The following SEC16A variants were observed in gnomAD, a reference collection of about 807,000 sequenced individuals.
SEC16A encodes the protein SEC16 homolog A, endoplasmic reticulum export factor.
SEC16A carries 110 observed loss-of-function variants against 221.9 expected under a neutral mutation model. The ratio of observed to expected loss-of-function variants is 0.50; its 90% confidence interval spans 0.42 to 0.58. The LOEUF is 0.58. SEC16A is among the 20% of genes least tolerant of loss of function. The pLI, the probability that SEC16A is intolerant of heterozygous loss-of-function variation, is 0.00. For synonymous variants in SEC16A, 1,393 were observed against 1,257.7 expected, an observed-to-expected ratio of 1.11 and a Z score of -2.28; for missense variants, 3,165 against 3,097.8, an observed-to-expected ratio of 1.02 and a Z score of -0.52.
intron 4 of SEC16A, among the ~76,000 whole-genome samples, chr9:136,470,215 C>T (rs893728468): frequency 6.6e-6 from 1 of 152,216 alleles, no homozygotes; most frequent in Non-Finnish European, 1.5e-5. Context: ...TGAAGGCAGC[C>T]GCAGGATCCG....
At position 136,459,684 on chromosome 9, in the gene SEC16A, CCAA is replaced by C. The variant is rs760458365; in HGVS notation, c.5191+70_5191+72del. ...GAAGGCCGGGTTCTGGTGATTTCTGCCAACGCCACAGACAACCGGGCCTTCGGC... is the reference window on the plus strand; with the variant it reads ...GAAGGCCGGGTTCTGGTGATTTCTGCCGCCACAGACAACCGGGCCTTCGGC... On this transcript the variant is annotated intron_variant, in intron 15 of 31. Transcript: ENST00000684901. This position sits in a 1 kb window ranked among gnomAD's most constrained non-coding sequence, Gnocchi z 6.1. 1.7e-5 allele frequency: 24 copies of C among 1,412,692 alleles called. No homozygotes were observed. Among genetic ancestry groups the C allele is most frequent in the Non-Finnish European group, 2.2e-5 (23 of 1,024,744 alleles). The allele number at this position is 1,412,692 out of a possible 1,614,324, so 87.5% of individuals were successfully genotyped here.
In SEC16A at chr9:136,474,873, C is replaced by T. The variant is rs376549395; in HGVS notation, c.2743G>A (p.Glu915Lys). The stretch of plus-strand genomic sequence containing the variant: ...TTAGCAGGCTGATTAGAAACCATTT[C>T]GGAAGCACCAGAACCTTGTGGAAAA... ...SNFPQGSGAS[E>K]MVSNQPANLL... The change falls in exon 3 of 32, where the codon GAA (glutamate) becomes AAA (lysine). Residue 915 changes from glutamate to lysine, a missense_variant. Coordinates refer to ENST00000684901, the MANE Select transcript of SEC16A (RefSeq NM_014866.2). 42 of 1,613,868 alleles carry T rather than the reference C, an allele frequency of 2.6e-5. No individual in the cohort carries two copies. Among genetic ancestry groups the T allele is most frequent in the East Asian group, 6.7e-5 (3 of 44,880 alleles).
intron 3 of SEC16A, 122 bp downstream of exon 3, chr9:136,473,927 C>T (rs1841246236): frequency 7.5e-6 from 8 of 1,071,844 alleles, no homozygotes; most frequent in Admixed American, 2.7e-5. Flanking sequence ...CTCACGCCTG[C>T]GGGACTGTGG....
At chr9:136,481,785 T>G (rs1420525130) in intron 1 of SEC16A, among the ~76,000 whole-genome samples, 1 of 152,066 alleles carries the variant, frequency 6.6e-6, no homozygotes. Flanking sequence ...CACAAAGACA[T>G]GATCAACTCC....
intron 23 of SEC16A, chr9:136,448,929 G>T: frequency 3.0e-6 from 2 of 667,946 alleles, no homozygotes; most frequent in Non-Finnish European, 5.5e-6. Flanking sequence ...GACAGTTCTG[G>T]AGATGGATGG....
At position 136,461,265 on chromosome 9, in the gene SEC16A, C is replaced by G. The variant is rs1470034586; in HGVS notation, c.4903G>C (p.Glu1635Gln). 1 of 1,603,108 alleles carries G rather than the reference C, an allele frequency of 6.2e-7. No individual in the cohort carries two copies. The highest frequency in any genetic ancestry group is 8.5e-7 in the Non-Finnish European group (1 of 1,174,890). The change falls in exon 13 of 32, where the codon GAG (glutamate) becomes CAG (glutamine). Residue 1635 changes from glutamate to glutamine, a missense_variant. Coordinates refer to ENST00000684901, the MANE Select transcript of SEC16A (RefSeq NM_014866.2). Reference protein sequence around the residue: ...LLYGRKKDALESAMKNGLWGH... With the variant: ...LLYGRKKDALQSAMKNGLWGH... ...CACAGGCCATTCTTCATTGCAGACT[C>G]CAAAGCATCCTGCAAAAGGCATTTC...
At chr9:136,464,295 A>T (rs949118594) in intron 9 of SEC16A, 125 bp downstream of exon 9, 2 of 922,688 alleles carry the variant, frequency 2.2e-6, no homozygotes, top group Non-Finnish European at 3.1e-6. Context: ...AATTCACAGG[A>T]ATAAACATTT....
intron 4 of SEC16A, among the ~76,000 whole-genome samples, chr9:136,471,064 A>C (rs1465591111): frequency 6.6e-6 from 1 of 152,016 alleles, no homozygotes; most frequent in East Asian, 1.9e-4. Context: ...ACCTGGCTTA[A>C]AGGGCTACTC....
chr9:136,457,534 C>A lies in SEC16A; in HGVS notation c.5460G>T (p.Thr1820=). Residue 1820 remains threonine, a synonymous_variant, in exon 18 of 32, where the codon ACG becomes ACT. Transcript: ENST00000684901. Reference sequence around the variant, plus strand: ...TGGCCTCACAGTAGTGGAAGGCTTGCGTGGCCAGCCCCATTTCCGCCAGGC... The same window carrying A: ...TGGCCTCACAGTAGTGGAAGGCTTGAGTGGCCAGCCCCATTTCCGCCAGGC... ...SCRLAEMGLA[T]QAFHYCEAIA... 1.2e-6 allele frequency: 2 copies of A among 1,610,362 alleles called. No individual in the cohort carries two copies. The highest frequency in any genetic ancestry group is 1.7e-6 in the Non-Finnish European group (2 of 1,178,182).
chr9:136,447,049 C>T lies in SEC16A; in HGVS notation c.6698-100G>A, dbSNP rs763925841. The T allele has an allele frequency of 2.2e-5, 34 of 1,581,300 alleles. No homozygotes were observed. The highest frequency in any genetic ancestry group is 1.0e-4 in the South Asian group (9 of 86,356). On this transcript the variant is annotated intron_variant, in intron 27 of 31. Coordinates refer to ENST00000684901, the MANE Select transcript of SEC16A (RefSeq NM_014866.2). This position sits in a 1 kb window ranked among gnomAD's most constrained non-coding sequence, Gnocchi z 5.5. ...GGAAGAGAGTTTCACACTGCACACG[C>T]GGCACACTCATGCAGAAACAGGCAA...
At chr9:136,484,535 C>A, upstream of SEC16A, 1 of 1,289,854 alleles carries the variant, frequency 7.8e-7, no homozygotes. Flanking sequence ...AGAGGGCAGG[C>A]GCCGTGGTGG....
chr9:136,460,878 A>G (rs1411801141), intron 13 of SEC16A, among the ~76,000 whole-genome samples: 1 of 152,256 alleles, frequency 6.6e-6, no homozygotes, highest in Non-Finnish European at 1.5e-5. Flanking sequence ...GCGCCCCTGC[A>G]CTTCAGCCTG....
intron 1 of SEC16A, among the ~76,000 whole-genome samples, chr9:136,482,446 C>T (rs1842504536): frequency 6.6e-6 from 1 of 152,194 alleles, no homozygotes; most frequent in Admixed American, 6.5e-5. Flanking sequence ...AGGGGCGAGC[C>T]GGATCACACA....
At chr9:136,452,428 C>T (rs1163073059) in intron 22 of SEC16A, among the ~76,000 whole-genome samples, 2 of 112,872 alleles carry the variant, frequency 1.8e-5, no homozygotes, top group Non-Finnish European at 3.4e-5. Context: ...CCAGGCTGGG[C>T]GACAGAGAGA....
intron 18 of SEC16A, 101 bp from the exon 19 acceptor site, chr9:136,456,267 A>G: frequency 2.5e-6 from 2 of 793,774 alleles, no homozygotes; most frequent in Non-Finnish European, 4.2e-6. Context: ...TTCACTGGCA[A>G]TAAAGTTTAA....
intron 9 of SEC16A, 118 bp downstream of exon 9, chr9:136,464,302 A>G (rs907405312): frequency 5.5e-5 from 54 of 989,166 alleles, no homozygotes; most frequent in Non-Finnish European, 7.5e-5. Flanking sequence ...AGGAATAAAC[A>G]TTTTCCAAGG....
rs759614227 is a variant in SEC16A at position 136,477,380 on chromosome 9, T to G, written c.236A>C (p.Gln79Pro). Residue 79 changes from glutamine to proline, a missense_variant, in exon 3 of 32, where the codon CAA (glutamine) becomes CCA (proline). Around this residue, in one of 3 missense-constraint regions of SEC16A, gnomAD observed 2,030 missense variants for 1,923.1 expected, o/e 1.06. Coordinates refer to ENST00000684901, the MANE Select transcript of SEC16A (RefSeq NM_014866.2). Reference sequence around the variant, plus strand: ...AGAAAACCCTGCGGGGGCTGGGCCTTGCAAGACAGGTGGACTGCTTTTGGA... The same window carrying G: ...AGAAAACCCTGCGGGGGCTGGGCCTGGCAAGACAGGTGGACTGCTTTTGGA... ...SSSKSSPPVL[Q>P]GPAPAGFSQH... The G allele has an allele frequency of 6.2e-6, 10 of 1,613,970 alleles. No homozygotes were observed. The highest frequency in any genetic ancestry group is 8.5e-6 in the Non-Finnish European group (10 of 1,179,886).
intron 1 of SEC16A, among the ~76,000 whole-genome samples, chr9:136,479,337 G>GT (rs2133065827): frequency 6.6e-6 from 1 of 152,262 alleles, no homozygotes; most frequent in South Asian, 2.1e-4. Context: ...CAAAGGGGAG[G>GT]ACTCTGTAGT....
Position 136,454,084 on chromosome 9 carries a change from C to T in SEC16A, c.6076+25G>A, listed in dbSNP as rs767578481. On this transcript the variant is annotated intron_variant, in intron 21 of 31. Transcript: ENST00000684901. ...CCACACCCCATGCTGCTTCTGCTCT[C>T]GAGACAGCATCTCTGCAGCCCCACC... The T allele has an allele frequency of 4.8e-5, 74 of 1,540,274 alleles. 1 individual carries two copies. Among genetic ancestry groups the T allele is most frequent in the Admixed American group, 5.9e-5 (3 of 50,998 alleles).
Sources: gnomAD v4.1 joint callset for allele counts (sites outside exome capture counted in the v4.1 genomes callset) on GRCh38, gnomAD v4.1.1 for gene constraint, gnomAD v4.1.1 regional missense constraint, Gnocchi (gnomAD v3.1) non-coding constraint, MANE v1.5 for transcripts, NCBI Gene and HGNC (gene_info 2026-07-23, HGNC 2026-07-21) for gene names.